The following PTGR2 variants were observed in gnomAD, a reference collection of about 807,000 sequenced individuals.
PTGR2 encodes the protein prostaglandin reductase 2, also known as 15-oxoprostaglandin 13-reductase.
A neutral mutation model predicts 43.4 loss-of-function variants in PTGR2; 32 were observed. The ratio of observed to expected loss-of-function variants is 0.74; its 90% CI spans 0.56 to 0.99. PTGR2 has a LOEUF of 0.99. Ranked by LOEUF, PTGR2 falls within the 50% of genes least tolerant of loss-of-function variation. The pLI, the probability that PTGR2 is intolerant of heterozygous loss-of-function variation, is 0.00. For synonymous variants in PTGR2, 106 were observed against 139.2 expected (o/e 0.76, Z 1.68); for missense variants, 373 against 420.0 (o/e 0.89, Z 0.98).
chr14:73,874,725 T>G (rs997859817), intron 4 of PTGR2: 5 of 374,802 alleles, frequency 1.3e-5, no homozygotes, highest in South Asian at 7.7e-5. Flanking sequence ...TTGAGGTTTT[T>G]GGGGGAAATG....
intron 3 of PTGR2, among the ~76,000 whole-genome samples, chr14:73,864,218 C>T (rs1341175046): frequency 3.3e-5 from 5 of 152,210 alleles, no homozygotes; most frequent in Admixed American, 3.3e-4. Context: ...GTTGTTTACA[C>T]AACTTGGCTA....
At chr14:73,881,501 AT>A (rs2140277028) in intron 8 of PTGR2, among the ~76,000 whole-genome samples, 1 of 152,228 alleles carries the variant, frequency 6.6e-6, no homozygotes, top group Admixed American at 6.6e-5. Context: ...TTTATCTAAA[AT>A]TTTTTAGCTT....
intron 3 of PTGR2, among the ~76,000 whole-genome samples, chr14:73,862,734 A>G (rs2054521200): frequency 6.6e-6 from 1 of 152,084 alleles, no homozygotes; most frequent in African/African-American, 2.4e-5. Context: ...CTTTTTTGAA[A>G]TGAGATCTCT....
intron 1 of PTGR2, among the ~76,000 whole-genome samples, chr14:73,855,520 C>T (rs1000511580): frequency 8.6e-5 from 13 of 151,902 alleles, no homozygotes; most frequent in Admixed American, 7.9e-4. Flanking sequence ...GATCTCGGCT[C>T]ACCGCAACCT....
chr14:73,860,360 G>A (rs1044782620), intron 2 of PTGR2, among the ~76,000 whole-genome samples, 179 bp from the exon 3 acceptor site: 1 of 151,758 alleles, frequency 6.6e-6, no homozygotes, highest in Non-Finnish European at 1.5e-5. Flanking sequence ...CCAGCTACTC[G>A]GGAGGCTGAG....
intron 3 of PTGR2, among the ~76,000 whole-genome samples, chr14:73,870,203 T>TTC (rs1179570270): frequency 9.3e-5 from 14 of 151,088 alleles, no homozygotes; most frequent in African/African-American, 3.4e-4. Flanking sequence ...CTTTTTTTTT[T>TTC]TTTTTTTTGA....
At chr14:73,880,882 C>T (rs1330145733) in intron 7 of PTGR2, among the ~76,000 whole-genome samples, 5 of 152,118 alleles carry the variant, frequency 3.3e-5, no homozygotes, top group East Asian at 3.9e-4. Flanking sequence ...CTAAAACCAC[C>T]GTCTCCCAGG....
chr14:73,862,478 A>G (rs897916811), intron 3 of PTGR2, among the ~76,000 whole-genome samples: 3 of 152,210 alleles, frequency 2.0e-5, no homozygotes, highest in Non-Finnish European at 4.4e-5. Context: ...AAGTGCTGGG[A>G]TTACAGGCGT....
intron 6 of PTGR2, chr14:73,879,815 C>T: frequency 2.2e-6 from 1 of 447,926 alleles, no homozygotes; most frequent in Non-Finnish European, 4.1e-6. Flanking sequence ...TAATAAGTAG[C>T]AACAACAACT....
intron 3 of PTGR2, among the ~76,000 whole-genome samples, chr14:73,869,515 A>T (rs2054675540): frequency 1.3e-5 from 2 of 150,892 alleles, no homozygotes; most frequent in African/African-American, 4.9e-5. Flanking sequence ...TCGAAGCTGT[A>T]GTGAGCTGTG....
chr14:73,883,489 C>CT (rs1491430278), intron 9 of PTGR2, among the ~76,000 whole-genome samples: 1 of 150,906 alleles, frequency 6.6e-6, no homozygotes, highest in Non-Finnish European at 1.5e-5. Flanking sequence ...GTGCCTAGCC[C>CT]TTTTTTTAAT....
Position 73,851,898 on chromosome 14 carries a change from C to A in PTGR2, c.-93C>A, listed in dbSNP as rs777555196. 1 of 152,258 alleles carries A rather than the reference C, an allele frequency of 6.6e-6. No homozygotes were observed. Among genetic ancestry groups the A allele is most frequent in the Admixed American group, 6.5e-5 (1 of 15,282 alleles). 9.4% of individuals were successfully genotyped at this position (152,258 alleles called of 1,614,324 possible). A position where few individuals can be genotyped will look rare whatever the true frequency, so the allele number is the denominator to read the frequency against. ...GAGCTGGGGTCGTGCAGTACAGCCT[C>A]TTTCCGGCAAATCACGCGAGATTTC... is the stretch of plus-strand genomic sequence containing the variant. On this transcript the variant is annotated 5_prime_UTR_variant, in exon 1 of 10. Coordinates refer to ENST00000555661, the MANE Select transcript of PTGR2 (RefSeq NM_001146154.2).
chr14:73,875,129 G>A (rs1349145222), intron 4 of PTGR2, among the ~76,000 whole-genome samples: 2 of 152,054 alleles, frequency 1.3e-5, no homozygotes, highest in Non-Finnish European at 2.9e-5. Context: ...CAAAGTGCTG[G>A]GATTACAGGC....
At chr14:73,877,421 C>T in intron 5 of PTGR2, 1 of 253,396 alleles carries the variant, frequency 3.9e-6, no homozygotes, top group Non-Finnish European at 7.5e-6. Flanking sequence ...TGTGCCACCA[C>T]ACCTGGCTAA....
At chr14:73,872,191 C>A (rs2054751828) in intron 3 of PTGR2, among the ~76,000 whole-genome samples, 1 of 152,098 alleles carries the variant, frequency 6.6e-6, no homozygotes, top group African/African-American at 2.4e-5. Flanking sequence ...GGGGTGCAGT[C>A]CCATTGTGAC....
intron 3 of PTGR2, among the ~76,000 whole-genome samples, chr14:73,873,494 C>T (rs1432820782): frequency 2.7e-5 from 4 of 148,396 alleles, no homozygotes; most frequent in Non-Finnish European, 4.5e-5. Context: ...GAGTTTCGCT[C>T]TTGTTGCCCA....
chr14:73,868,971 C>CA (rs2054665200), intron 3 of PTGR2, among the ~76,000 whole-genome samples: 2 of 152,126 alleles, frequency 1.3e-5, no homozygotes, highest in South Asian at 4.1e-4. Flanking sequence ...CTGGTTAAAA[C>CA]AGAGTCCCAG....
chr14:73,880,286 C>A, intron 7 of PTGR2, 110 bp downstream of exon 7: 1 of 1,376,636 alleles, frequency 7.3e-7, no homozygotes, highest in Non-Finnish European at 1.0e-6. Context: ...TTAAATAAAA[C>A]TTTAGGTCGG....
In PTGR2 at chr14:73,884,828, T is replaced by A. The variant is rs1328545404; in HGVS notation, c.*651T>A. The stretch of plus-strand genomic sequence containing the variant: ...CTTAGGTTGGTTAAGTTGACAAGAT[T>A]TACTCCAGAGGATCATCTCTTTGTA... On this transcript the variant is annotated 3_prime_UTR_variant, in exon 10 of 10. Transcript: ENST00000555661. The A allele has an allele frequency of 6.6e-6, 1 of 152,062 alleles. No individual in the cohort carries two copies. The allele number at this position is 152,062 out of a possible 1,614,324, so 9.4% of individuals were successfully genotyped here.
Sources: gnomAD v4.1 joint callset for allele counts (sites outside exome capture counted in the v4.1 genomes callset) on GRCh38, gnomAD v4.1.1 for gene constraint, MANE v1.5 for transcripts, NCBI Gene and HGNC (gene_info 2026-07-23, HGNC 2026-07-21) for gene names.